ADAMTS20: variants seen among roughly 807,000 people sequenced by gnomAD.
The protein encoded by ADAMTS20 is A disintegrin and metalloproteinase with thrombospondin motifs 20.
Under a neutral mutation model 260.1 loss-of-function variants are expected in ADAMTS20, and 225 were observed. The ratio of observed to expected loss-of-function variants is 0.87; its 90% CI spans 0.78 to 0.97. ADAMTS20 has a LOEUF of 0.97. Ranked by LOEUF, ADAMTS20 falls within the 50% of genes least tolerant of loss-of-function variation. The pLI, the probability that ADAMTS20 is intolerant of heterozygous loss-of-function variation, is 0.00. For synonymous variants in ADAMTS20, 802 were observed against 769.5 expected, an observed-to-expected ratio of 1.04 and a Z score of -0.70; for missense variants, 2,400 against 2,337.7, an observed-to-expected ratio of 1.03 and a Z score of -0.55.
Position 43,374,343 on chromosome 12 carries a change from G to T in ADAMTS20, c.5446+1036C>A, listed in dbSNP as rs17093241. Among the ~76,000 whole-genome samples, 798 of 152,146 alleles carry T rather than the reference G, an allele frequency of 5.2e-3. 10 individuals are homozygous for T. The highest frequency in any genetic ancestry group is 0.017 in the African/African-American group (716 of 41,480). The stretch of plus-strand genomic sequence containing the variant: ...TTGCTTTCTATGACTTATGCACCAT[G>T]CTAGGCACTGATGATTCAATGGCAA... On this transcript the variant is annotated intron_variant, in intron 36 of 38. Transcript: ENST00000389420.
At chr12:43,467,971 T>C (rs1942185839) in intron 8 of ADAMTS20, among the ~76,000 whole-genome samples, 1 of 152,070 alleles carries the variant, frequency 6.6e-6, no homozygotes, top group African/African-American at 2.4e-5. Context: ...TTTCAGAGGA[T>C]ACATTTGTAG....
intron 31 of ADAMTS20, 39 bp downstream of exon 31, chr12:43,383,519 C>T: frequency 6.4e-7 from 1 of 1,557,606 alleles, no homozygotes; most frequent in Non-Finnish European, 8.7e-7. Context: ...GCTGTTTTAT[C>T]AAGGAGCAAA....
At chr12:43,530,175 CAA>C (rs147222338) in intron 3 of ADAMTS20, among the ~76,000 whole-genome samples, 1 of 149,960 alleles carries the variant, frequency 6.7e-6, no homozygotes, top group African/African-American at 2.4e-5. Flanking sequence ...AACTGTTTAA[CAA>C]AAAAAAAGCC....
chr12:43,360,732 G>T (rs1501437), intron 37 of ADAMTS20, among the ~76,000 whole-genome samples: 5 of 151,914 alleles, frequency 3.3e-5, no homozygotes, highest in Non-Finnish European at 1.5e-5. Context: ...CATACCACTT[G>T]CAGTAACAAG....
intron 7 of ADAMTS20, among the ~76,000 whole-genome samples, chr12:43,469,484 C>T (rs1348151055): frequency 6.6e-6 from 1 of 152,062 alleles, no homozygotes; most frequent in Admixed American, 6.5e-5. Context: ...TTCATTACAA[C>T]AATCCATACT....
intron 3 of ADAMTS20, among the ~76,000 whole-genome samples, chr12:43,528,348 CAAAAAAAAAAAA>C (rs58281767): frequency 1.0e-4 from 3 of 29,054 alleles, no homozygotes; most frequent in East Asian, 1.6e-3. Context: ...CAATCCTAAG[CAAAAAAAAAAAA>C]AAAAAAAAAA....
chr12:43,415,649 G>A (rs922530325), intron 28 of ADAMTS20, among the ~76,000 whole-genome samples: 2 of 152,116 alleles, frequency 1.3e-5, no homozygotes, highest in Admixed American at 6.5e-5. Flanking sequence ...AAAATGAAAT[G>A]TTAGAAATGC....
rs1009711241 is a variant in ADAMTS20 at position 43,399,227 on chromosome 12, C to T, written c.4291G>A (p.Ala1431Thr). The change falls in exon 29 of 39, where the codon GCT becomes ACT. Residue 1431 changes from alanine (A) to threonine (T), a missense_variant. Transcript: ENST00000389420. Reference protein sequence around the residue: ...WHQEPWTSCSASCGKGRKYRE... With the variant: ...WHQEPWTSCSTSCGKGRKYRE... Reference sequence around the variant, plus strand: ...TACTTTCTACCTTTACCACAAGAAGCTGAGCACTAGAAAAGAAATATGAAT... The same window carrying T: ...TACTTTCTACCTTTACCACAAGAAGTTGAGCACTAGAAAAGAAATATGAAT... 16 of 1,521,146 alleles carry T rather than the reference C, an allele frequency of 1.1e-5. No individual in the cohort carries two copies. The highest frequency in any genetic ancestry group is 8.5e-5 in the African/African-American group (6 of 70,764). 94.2% of individuals were successfully genotyped at this position (1,521,146 alleles called of 1,614,324 possible). A position where few individuals can be genotyped will look rare whatever the true frequency, so the allele number is the denominator to read the frequency against.
rs1408604273 is a variant in ADAMTS20, at chr12:43,443,853, C to T, written c.2228G>A (p.Gly743Glu). The change falls in exon 16 of 39, where the codon GGA becomes GAA. Residue 743 changes from glycine (G) to glutamate (E), a missense_variant. Physicochemically the swap from Gly to Glu is moderately conservative, Grantham distance 98. Coordinates refer to ENST00000389420, the MANE Select transcript of ADAMTS20 (RefSeq NM_025003.5). Reference sequence around the variant, plus strand: ...CTGACGAATGTCAACGTTTGTTGCTCCTGCGGGAATCTTTACAACAACATT... The same window carrying T: ...CTGACGAATGTCAACGTTTGTTGCTTCTGCGGGAATCTTTACAACAACATT... ...GYNVVVKIPA[G>E]ATNVDIRQYS... The T allele has an allele frequency of 6.2e-6, 10 of 1,613,004 alleles. No homozygotes were observed. In the East Asian group the frequency reaches 1.3e-4, roughly 22 times the overall value.
chr12:43,492,599 T>C lies in ADAMTS20; in HGVS notation c.982A>G (p.Thr328Ala), dbSNP rs759824392. ...CATGAACAAAAGTTCTTTAATGTGG[T>C]AGCACCATCAAAATTAATGACTGGT... ...EGPVINFDGATTLKNFCSWQQ... is the reference protein window; with the variant it reads ...EGPVINFDGAATLKNFCSWQQ... Residue 328 changes from threonine to alanine, a missense_variant, in exon 6 of 39, where the codon ACC becomes GCC. Physicochemically the swap from Thr to Ala is moderately conservative, Grantham distance 58 (BLOSUM62 0). Transcript: ENST00000389420. 3.1e-6 allele frequency: 5 copies of C among 1,613,688 alleles called. No homozygotes were observed.
chr12:43,354,723 A>AT (rs144249963), intron 38 of ADAMTS20, among the ~76,000 whole-genome samples: 34,287 of 152,114 alleles, frequency 0.23, 4,631 homozygotes, highest in African/African-American at 0.37. Flanking sequence ...TGTACAAATG[A>AT]TTTTAAAGGC....
chr12:43,423,542 C>T (rs893831638), intron 28 of ADAMTS20: 1 of 592,556 alleles, frequency 1.7e-6, no homozygotes, highest in African/African-American at 1.9e-5. Context: ...ATTCTGCTCT[C>T]CTAATTGGGA....
intron 36 of ADAMTS20, among the ~76,000 whole-genome samples, chr12:43,371,948 A>G (rs746398215): frequency 6.6e-6 from 1 of 152,226 alleles, no homozygotes; most frequent in Non-Finnish European, 1.5e-5. Flanking sequence ...TAGACTAAGT[A>G]GAATATTATT....
chr12:43,446,322 TC>T (rs1941759554), intron 15 of ADAMTS20, among the ~76,000 whole-genome samples: 1 of 152,172 alleles, frequency 6.6e-6, no homozygotes, highest in South Asian at 2.1e-4. Flanking sequence ...CACATCACAG[TC>T]AAATAGCACT....
At chr12:43,480,798 G>T (rs548542076) in intron 7 of ADAMTS20, among the ~76,000 whole-genome samples, 1 of 152,144 alleles carries the variant, frequency 6.6e-6, no homozygotes, top group East Asian at 1.9e-4. Flanking sequence ...TCCACATGCT[G>T]AGGGAGTGTG....
chr12:43,492,661 A>G (rs1180653282), intron 5 of ADAMTS20, 32 bp from the exon 6 acceptor site: 2 of 1,609,382 alleles, frequency 1.2e-6, no homozygotes, highest in Admixed American at 1.7e-5. Flanking sequence ...ATACTATGTC[A>G]AAATATTAAC....
chr12:43,376,353 C>G (rs372180317), intron 33 of ADAMTS20, 23 bp from the exon 34 acceptor site: 2 of 1,518,376 alleles, frequency 1.3e-6, no homozygotes, highest in African/African-American at 1.4e-5. Context: ...ATTAACACAA[C>G]TTAACACAGA....
At chr12:43,381,618 CAAAA>C (rs142351546) in intron 31 of ADAMTS20, among the ~76,000 whole-genome samples, 3 of 102,750 alleles carry the variant, frequency 2.9e-5, no homozygotes, top group Non-Finnish European at 5.8e-5. Context: ...CCCATCTCTA[CAAAA>C]AAAAAAAAAA....
chr12:43,525,243 G>A (rs1436524100), intron 3 of ADAMTS20, among the ~76,000 whole-genome samples: 1 of 152,128 alleles, frequency 6.6e-6, no homozygotes, highest in Non-Finnish European at 1.5e-5. Flanking sequence ...TCCTTAGACA[G>A]GACAACTGTC....
Sources: gnomAD v4.1 joint callset for allele counts (sites outside exome capture counted in the v4.1 genomes callset) on GRCh38, gnomAD v4.1.1 for gene constraint, MANE v1.5 for transcripts, NCBI Gene and HGNC (gene_info 2026-07-23, HGNC 2026-07-21) for gene names.